GABRA5: variants seen among roughly 807,000 people sequenced by gnomAD.
GABRA5 encodes gamma-aminobutyric acid type A receptor subunit alpha5.
In GABRA5, 18 loss-of-function variants were observed where a neutral mutation model predicts 47.3. The ratio of observed to expected loss-of-function variants is 0.38; its 90% confidence interval spans 0.26 to 0.56. GABRA5 has a LOEUF of 0.56. Among genes scored for constraint, GABRA5 ranks in the 20% least tolerant of loss-of-function variants. GABRA5 has a pLI of 0.71. For synonymous variants in GABRA5, 237 were observed against 229.3 expected (o/e 1.03, Z -0.30); for missense variants, 365 against 599.3 (o/e 0.61, Z 4.08).
chr15:26,932,583 A>C (rs968115858), intron 7 of GABRA5, among the ~76,000 whole-genome samples: 1 of 152,216 alleles, frequency 6.6e-6, no homozygotes, highest in African/African-American at 2.4e-5. Flanking sequence ...TAGAACCAGA[A>C]ATACCATTTG....
At chr15:26,932,976 A>C (rs563393880) in intron 7 of GABRA5, among the ~76,000 whole-genome samples, 2 of 152,228 alleles carry the variant, frequency 1.3e-5, no homozygotes, top group East Asian at 3.9e-4. Flanking sequence ...GAGCATCAGG[A>C]AAAATAGCTA....
intron 3 of GABRA5, among the ~76,000 whole-genome samples, chr15:26,880,369 G>A (rs1431235556): frequency 6.6e-6 from 1 of 152,092 alleles, no homozygotes; most frequent in Non-Finnish European, 1.5e-5. Context: ...GACCAACTAA[G>A]GATGCAGTGA....
At chr15:26,896,539 G>A (rs1893197694) in intron 6 of GABRA5, among the ~76,000 whole-genome samples, 1 of 152,126 alleles carries the variant, frequency 6.6e-6, no homozygotes, top group South Asian at 2.1e-4. Flanking sequence ...GAAATAAACA[G>A]TCACAAGACT....
intron 6 of GABRA5, among the ~76,000 whole-genome samples, chr15:26,891,888 C>T (rs1437005072): frequency 6.6e-6 from 1 of 152,220 alleles, no homozygotes; most frequent in Non-Finnish European, 1.5e-5. Context: ...TCAGCTCGGA[C>T]GGTGGTCCCT....
In GABRA5 at chr15:26,912,952, G is replaced by C. The variant is rs150274855; in HGVS notation, c.498-1851G>C. On this transcript the variant is annotated intron_variant, in intron 6 of 10. Coordinates refer to ENST00000335625, the MANE Select transcript of GABRA5 (RefSeq NM_000810.4). ...AATCCCAGCACCTTGGGAAGTCGAG[G>C]CTGGCAGATCACCTGAGGTCGGGAG... Among the ~76,000 whole-genome samples the C allele has an allele frequency of 4.6e-5, 7 of 152,294 alleles. 1 individual carries two copies. The highest frequency in any genetic ancestry group is 7.4e-5 in the Non-Finnish European group (5 of 68,026).
At chr15:26,909,717 A>G (rs1192502709) in intron 6 of GABRA5, among the ~76,000 whole-genome samples, 1 of 152,162 alleles carries the variant, frequency 6.6e-6, no homozygotes, top group East Asian at 1.9e-4. Flanking sequence ...GACCTTTGTG[A>G]TTGTATTGGG....
chr15:26,910,204 C>A (rs956427069), intron 6 of GABRA5, among the ~76,000 whole-genome samples: 1 of 152,086 alleles, frequency 6.6e-6, no homozygotes, highest in African/African-American at 2.4e-5. Flanking sequence ...CACTCTTCAC[C>A]CATCAGCTGC....
rs545182149 is a variant in GABRA5, at chr15:26,909,501, A to T, written c.498-5302A>T. ...AACACAACAAAGTTATTGTCTTGTA[A>T]TTCCAAAAGGGTCCCAGGAGGCTAC... On this transcript the variant is annotated intron_variant, in intron 6 of 10. Coordinates refer to ENST00000335625, the MANE Select transcript of GABRA5 (RefSeq NM_000810.4). Among the ~76,000 whole-genome samples the T allele has an allele frequency of 2.5e-3, 388 of 152,326 alleles. 2 individuals carry two copies. Among genetic ancestry groups the T allele is most frequent in the African/African-American group, 9.0e-3 (373 of 41,576 alleles).
chr15:26,881,337 A>G (rs546675411), intron 4 of GABRA5, among the ~76,000 whole-genome samples: 20 of 152,204 alleles, frequency 1.3e-4, no homozygotes, highest in Non-Finnish European at 2.6e-4. Flanking sequence ...TATGTTAAGA[A>G]ATAATATAAA....
At chr15:26,947,064 C>T (rs937578199) in intron 10 of GABRA5, among the ~76,000 whole-genome samples, 1 of 152,150 alleles carries the variant, frequency 6.6e-6, no homozygotes, top group Non-Finnish European at 1.5e-5. Flanking sequence ...TTCCTCCTTC[C>T]CAGCAGGCCA....
intron 6 of GABRA5, among the ~76,000 whole-genome samples, chr15:26,892,675 C>G (rs1595404161): frequency 6.6e-6 from 1 of 152,226 alleles, no homozygotes; most frequent in African/African-American, 2.4e-5. Flanking sequence ...AGTAGGATCT[C>G]AAGTTTTTTG....
chr15:26,934,582 A>C (rs1426757915), intron 7 of GABRA5, among the ~76,000 whole-genome samples: 6 of 152,190 alleles, frequency 3.9e-5, no homozygotes. Context: ...TGAAGTACCT[A>C]CTGTGAGTCA....
At chr15:26,877,975 G>T (rs1057003957) in intron 3 of GABRA5, among the ~76,000 whole-genome samples, 2 of 152,160 alleles carry the variant, frequency 1.3e-5, no homozygotes, top group African/African-American at 4.8e-5. Context: ...GACTCTGGTC[G>T]ACCTCAGGAT....
Position 26,883,374 on chromosome 15 carries a change from A to G in GABRA5, c.314A>G (p.Lys105Arg), listed in dbSNP as rs765577926. 6.2e-7 allele frequency: 1 copy of G among 1,614,008 alleles called. No individual in the cohort carries two copies. Reference sequence around the variant, plus strand: ...GACGTGTTTTTCCGACAAAGCTGGAAAGATGAAAGGCTTCGGTTTAAGGGG... The same window carrying G: ...GACGTGTTTTTCCGACAAAGCTGGAGAGATGAAAGGCTTCGGTTTAAGGGG... ...TIDVFFRQSW[K>R]DERLRFKGPM... Residue 105 changes from lysine (K) to arginine (R), a missense_variant, in exon 6 of 11, where the codon AAA becomes AGA. Around this residue, in one of 3 missense-constraint regions of GABRA5, gnomAD observed 216 missense variants for 335.3 expected, o/e 0.64. Transcript: ENST00000335625. This position sits in a 1 kb window ranked among gnomAD's most constrained non-coding sequence, Gnocchi z 4.8.
chr15:26,872,451 C>T (rs1168189947), intron 3 of GABRA5, among the ~76,000 whole-genome samples: 1 of 152,146 alleles, frequency 6.6e-6, no homozygotes, highest in Non-Finnish European at 1.5e-5. Flanking sequence ...ACACATTTTG[C>T]AGGGTAGCCC....
rs921569743 is a variant in GABRA5 at position 26,948,328 on chromosome 15, T to A, written c.*95T>A. On this transcript the variant is annotated 3_prime_UTR_variant, in exon 11 of 11. Coordinates refer to ENST00000335625, the MANE Select transcript of GABRA5 (RefSeq NM_000810.4). The stretch of plus-strand genomic sequence containing the variant: ...ACAGGGACTCTCCATATGTGAGCAC[T>A]ATCTTTCAGGAAATTTTTGCATGTT... 1.3e-4 allele frequency: 154 copies of A among 1,185,834 alleles called. No individual in the cohort carries two copies. Among genetic ancestry groups the A allele is most frequent in the Non-Finnish European group, 1.7e-4 (142 of 853,608 alleles). The allele number at this position is 1,185,834 out of a possible 1,614,324, so 73.5% of individuals were successfully genotyped here.
intron 3 of GABRA5, among the ~76,000 whole-genome samples, chr15:26,870,592 A>T (rs571691152): frequency 2.0e-5 from 3 of 152,270 alleles, no homozygotes; most frequent in African/African-American, 7.2e-5. Flanking sequence ...GGGAAAGAGC[A>T]TTGGCCGTGG....
At chr15:26,929,427 G>C (rs1020008244) in intron 7 of GABRA5, among the ~76,000 whole-genome samples, 25 of 152,230 alleles carry the variant, frequency 1.6e-4, no homozygotes, top group African/African-American at 5.5e-4. Flanking sequence ...CATGGGGAAA[G>C]AGTTCCATAT....
intron 6 of GABRA5, among the ~76,000 whole-genome samples, chr15:26,894,544 G>T (rs1207609053): frequency 2.0e-5 from 3 of 152,030 alleles, no homozygotes; most frequent in African/African-American, 7.3e-5. Flanking sequence ...TGTAAGAGCT[G>T]GTCCCATGAT....
Sources: gnomAD v4.1 joint callset for allele counts (sites outside exome capture counted in the v4.1 genomes callset) on GRCh38, gnomAD v4.1.1 for gene constraint, gnomAD v4.1.1 regional missense constraint, Gnocchi (gnomAD v3.1) non-coding constraint, MANE v1.5 for transcripts, NCBI Gene and HGNC (gene_info 2026-07-23, HGNC 2026-07-21) for gene names.